SNTB1: variants seen among roughly 807,000 people sequenced by gnomAD.
SNTB1 encodes the protein beta-1-syntrophin.
In SNTB1, 36 loss-of-function variants were observed where a neutral mutation model predicts 48.9. That is an observed-to-expected ratio of 0.74 (90% CI 0.56 to 0.97). The LOEUF (loss-of-function observed/expected upper bound fraction) is 0.97. SNTB1 is among the 50% of genes least tolerant of loss of function. The pLI is 0.00. For synonymous variants in SNTB1, 299 were observed against 294.6 expected (o/e 1.01, Z -0.15); for missense variants, 786 against 703.4 (o/e 1.12, Z -1.33).
At chr8:120,771,671 G>A (rs1819636937) in intron 1 of SNTB1, among the ~76,000 whole-genome samples, 1 of 150,770 alleles carries the variant, frequency 6.6e-6, no homozygotes, top group Non-Finnish European at 1.5e-5. Flanking sequence ...AAAACAAAAC[G>A]AAACCATGCC....
chr8:120,780,720 G>T (rs975764701), intron 1 of SNTB1, among the ~76,000 whole-genome samples: 2 of 152,122 alleles, frequency 1.3e-5, no homozygotes, highest in African/African-American at 4.8e-5. Flanking sequence ...CACCACAAAT[G>T]ATCAACTGAC....
chr8:120,703,853 C>T (rs1818342740), intron 1 of SNTB1, among the ~76,000 whole-genome samples: 1 of 152,186 alleles, frequency 6.6e-6, no homozygotes, highest in Non-Finnish European at 1.5e-5. Flanking sequence ...CGTGTTGAAC[C>T]TGGCTCTAAA....
chr8:120,787,882 CT>C (rs1387858381), intron 1 of SNTB1, among the ~76,000 whole-genome samples: 7 of 152,068 alleles, frequency 4.6e-5, no homozygotes, highest in African/African-American at 1.4e-4. Context: ...CAAATAATTC[CT>C]GGAAGATTCA....
intron 2 of SNTB1, among the ~76,000 whole-genome samples, chr8:120,657,844 A>G (rs970466788): frequency 9.9e-5 from 15 of 152,252 alleles, no homozygotes; most frequent in Non-Finnish European, 1.6e-4. Flanking sequence ...TGTTTCAATA[A>G]TCACTGAGAT....
chr8:120,690,421 C>T (rs1021800878), intron 2 of SNTB1, among the ~76,000 whole-genome samples: 2 of 152,128 alleles, frequency 1.3e-5, no homozygotes, highest in African/African-American at 4.8e-5. Context: ...TCTATTTCTT[C>T]TTGCATCTTC....
Position 120,800,286 on chromosome 8 carries a change from G to T in SNTB1, c.571+10987C>A, listed in dbSNP as rs1391482202. 3.9e-5 allele frequency among the ~76,000 whole-genome samples: 6 copies of T among 152,024 alleles called. No individual in the cohort carries two copies. In the South Asian group the frequency reaches 8.3e-4, roughly 21 times the overall value. ...TAGACAATTAGTGATTTAATAAAAG[G>T]TTATTAAAAGAGAATGAAAATGCCA... is the stretch of plus-strand genomic sequence containing the variant. On this transcript the variant is annotated intron_variant, in intron 1 of 6. Coordinates refer to ENST00000517992, the MANE Select transcript of SNTB1 (RefSeq NM_021021.4).
intron 4 of SNTB1, among the ~76,000 whole-genome samples, chr8:120,560,439 C>T (rs10110455): frequency 0.029 from 4,425 of 152,194 alleles, 204 homozygotes; most frequent in African/African-American, 0.1. Flanking sequence ...GCCGAGATTG[C>T]GCCATTGCAC....
At chr8:120,546,298 T>A (rs561377012) in intron 5 of SNTB1, among the ~76,000 whole-genome samples, 42 of 152,322 alleles carry the variant, frequency 2.8e-4, no homozygotes, top group African/African-American at 9.4e-4. Context: ...TGTCTTAGAT[T>A]TCAGGATCAA....
At chr8:120,685,220 C>CT (rs1818009517) in intron 2 of SNTB1, among the ~76,000 whole-genome samples, 1 of 152,220 alleles carries the variant, frequency 6.6e-6, no homozygotes, top group African/African-American at 2.4e-5. Flanking sequence ...TAGGCACTGC[C>CT]TTAGTGGGGG....
chr8:120,718,926 T>G (rs759664188), intron 1 of SNTB1, among the ~76,000 whole-genome samples: 5 of 152,184 alleles, frequency 3.3e-5, no homozygotes, highest in South Asian at 2.1e-4. Flanking sequence ...TCAGAGCGAC[T>G]GTGATACTGT....
At chr8:120,571,945 A>G (rs1051182034) in intron 4 of SNTB1, among the ~76,000 whole-genome samples, 2 of 151,988 alleles carry the variant, frequency 1.3e-5, no homozygotes, top group African/African-American at 4.8e-5. Flanking sequence ...CACCCCTGAA[A>G]ACCTCCTCTA....
chr8:120,811,205 G>A (rs1236732104), intron 1 of SNTB1, 68 bp downstream of exon 1: 2 of 1,521,540 alleles, frequency 1.3e-6, no homozygotes, highest in Non-Finnish European at 1.8e-6. Context: ...GTGAGTGTGA[G>A]CGTGCGGGTG....
At chr8:120,603,391 G>T (rs1013223019) in intron 3 of SNTB1, among the ~76,000 whole-genome samples, 2 of 152,164 alleles carry the variant, frequency 1.3e-5, no homozygotes, top group African/African-American at 4.8e-5. Context: ...GTGAGCCACC[G>T]CGCCCAGCTA....
intron 2 of SNTB1, among the ~76,000 whole-genome samples, chr8:120,639,190 C>A (rs1243937793): frequency 1.3e-5 from 2 of 152,198 alleles, no homozygotes; most frequent in African/African-American, 2.4e-5. Flanking sequence ...TAAATATCTT[C>A]TTTTGAGAAG....
chr8:120,587,037 A>G (rs1816154832), intron 3 of SNTB1, among the ~76,000 whole-genome samples: 1 of 152,192 alleles, frequency 6.6e-6, no homozygotes, highest in Admixed American at 6.5e-5. Flanking sequence ...CCTGGCCAAC[A>G]TGGTGAAACC....
chr8:120,811,130 T>C (rs1205383051), intron 1 of SNTB1, 143 bp downstream of exon 1: 8 of 1,175,434 alleles, frequency 6.8e-6, no homozygotes, highest in South Asian at 1.7e-5. Context: ...TGCGCCACCC[T>C]TCCCCCCCCC....
At chr8:120,566,131 C>T (rs1815744521) in intron 4 of SNTB1, among the ~76,000 whole-genome samples, 1 of 151,918 alleles carries the variant, frequency 6.6e-6, no homozygotes. Flanking sequence ...GTTGTGGTGT[C>T]CCTATTAAAT....
intron 3 of SNTB1, among the ~76,000 whole-genome samples, chr8:120,597,461 G>A (rs942730142): frequency 2.0e-5 from 3 of 152,218 alleles, no homozygotes; most frequent in Admixed American, 6.5e-5. Flanking sequence ...CGTGTGATTT[G>A]CACACTCTTG....
intron 3 of SNTB1, among the ~76,000 whole-genome samples, chr8:120,610,202 T>A (rs1402078736): frequency 1.3e-5 from 2 of 152,220 alleles, no homozygotes; most frequent in African/African-American, 2.4e-5. Context: ...AGTGGCGTGA[T>A]CTCGGCTCAC....
Sources: allele counts gnomAD v4.1 joint callset (sites outside exome capture counted in the v4.1 genomes callset), GRCh38; gene constraint gnomAD v4.1.1; transcripts MANE v1.5; gene names NCBI Gene and HGNC (gene_info 2026-07-23, HGNC 2026-07-21).